The following CSMD1 variants were observed in gnomAD, a reference collection of about 807,000 sequenced individuals.
The protein encoded by CSMD1 is CUB and Sushi multiple domains 1, also known as CUB and sushi domain-containing protein 1.
A neutral mutation model predicts 417.5 loss-of-function variants in CSMD1; 213 were observed. The observed-to-expected ratio is 0.51, with a 90% CI of 0.46 to 0.57. CSMD1 has a LOEUF of 0.57. CSMD1 is among the 20% of genes least tolerant of loss of function. The pLI, the probability that CSMD1 is intolerant of heterozygous loss-of-function variation, is 0.00. For synonymous variants in CSMD1, 2,862 were observed against 1,736.8 expected (o/e 1.65, Z -16.11); for missense variants, 6,923 against 4,529.7 (o/e 1.53, Z -15.17).
At chr8:4,871,095 G>C (rs947868709) in intron 1 of CSMD1, among the ~76,000 whole-genome samples, 1 of 152,156 alleles carries the variant, frequency 6.6e-6, no homozygotes, top group Non-Finnish European at 1.5e-5. Context: ...TGGGCCATGG[G>C]AGGAGGCAGT....
At chr8:4,709,618 T>C (rs970093018) in intron 1 of CSMD1, among the ~76,000 whole-genome samples, 5 of 152,102 alleles carry the variant, frequency 3.3e-5, no homozygotes, top group African/African-American at 1.2e-4. Flanking sequence ...GAAACAAATA[T>C]AAAACTGGCC....
At chr8:4,458,748 C>T (rs1228618538) in intron 2 of CSMD1, among the ~76,000 whole-genome samples, 1 of 152,072 alleles carries the variant, frequency 6.6e-6, no homozygotes, top group African/African-American at 2.4e-5. Flanking sequence ...TTGTTACTTA[C>T]AAAAACATTT....
intron 1 of CSMD1, among the ~76,000 whole-genome samples, chr8:4,893,237 T>C (rs1259390312): frequency 6.6e-6 from 1 of 152,150 alleles, no homozygotes; most frequent in Non-Finnish European, 1.5e-5. Context: ...CTTCTTTTAA[T>C]TGCCTACTTA....
At chr8:4,759,397 C>G (rs1052556827) in intron 1 of CSMD1, among the ~76,000 whole-genome samples, 1 of 152,190 alleles carries the variant, frequency 6.6e-6, no homozygotes, top group Non-Finnish European at 1.5e-5. Context: ...CCAATGGCAT[C>G]TGAGCATCTC....
chr8:4,451,208 G>A (rs1416171507), intron 2 of CSMD1, among the ~76,000 whole-genome samples: 3 of 152,132 alleles, frequency 2.0e-5, no homozygotes, highest in Non-Finnish European at 4.4e-5. Context: ...GCATGTGCCT[G>A]TAGTCTCAAC....
chr8:4,668,236 C>T (rs1287516657), intron 1 of CSMD1, among the ~76,000 whole-genome samples: 1 of 151,770 alleles, frequency 6.6e-6, no homozygotes, highest in Non-Finnish European at 1.5e-5. Context: ...TGGGGCATTC[C>T]GTTGAAAAGC....
At chr8:3,747,228 A>G (rs1210799847) in intron 6 of CSMD1, among the ~76,000 whole-genome samples, 4 of 152,156 alleles carry the variant, frequency 2.6e-5, no homozygotes, top group Non-Finnish European at 4.4e-5. Flanking sequence ...CATTTCTCGC[A>G]TGAGAGTTGA....
intron 49 of CSMD1, among the ~76,000 whole-genome samples, chr8:3,071,943 A>G (rs1156439104): frequency 6.6e-6 from 1 of 152,216 alleles, no homozygotes; most frequent in African/African-American, 2.4e-5. Flanking sequence ...ACTCCTCATG[A>G]CACCTGGAAG....
At chr8:3,484,586 T>C (rs554537726) in intron 11 of CSMD1, among the ~76,000 whole-genome samples, 1 of 152,218 alleles carries the variant, frequency 6.6e-6, no homozygotes, top group Non-Finnish European at 1.5e-5. Context: ...GCCCATAAAC[T>C]AGACTTCATC....
intron 49 of CSMD1, among the ~76,000 whole-genome samples, chr8:3,074,679 ATAGT>A (rs1813523280): frequency 6.6e-6 from 1 of 152,244 alleles, no homozygotes; most frequent in South Asian, 2.1e-4. Flanking sequence ...ATTTTATCTA[ATAGT>A]TAGAAACGAC....
intron 3 of CSMD1, among the ~76,000 whole-genome samples, chr8:4,302,057 G>A (rs374428030): frequency 3.9e-5 from 6 of 152,144 alleles, no homozygotes; most frequent in African/African-American, 1.4e-4. Context: ...TTTTTCATTA[G>A]AATTTTCCAC....
chr8:3,210,082 C>G (rs1279410644), intron 30 of CSMD1, among the ~76,000 whole-genome samples: 2 of 152,184 alleles, frequency 1.3e-5, no homozygotes, highest in African/African-American at 4.8e-5. Flanking sequence ...GCACCAACTG[C>G]ATCCCATGAT....
At chr8:4,428,035 A>G (rs945622119) in intron 2 of CSMD1, among the ~76,000 whole-genome samples, 4 of 152,168 alleles carry the variant, frequency 2.6e-5, no homozygotes, top group Middle Eastern at 3.2e-3. Context: ...GAAGCCTTTC[A>G]TTGCTATTGT....
At chr8:4,471,978 C>T (rs529992204) in intron 2 of CSMD1, among the ~76,000 whole-genome samples, 20 of 152,054 alleles carry the variant, frequency 1.3e-4, no homozygotes, top group Non-Finnish European at 2.8e-4. Context: ...CTAAGCGATA[C>T]GTATTATCTG....
intron 2 of CSMD1, among the ~76,000 whole-genome samples, chr8:4,535,172 T>C (rs1435380254): frequency 6.6e-6 from 1 of 152,228 alleles, no homozygotes; most frequent in African/African-American, 2.4e-5. Context: ...TGCAGTATAA[T>C]CTATATAAGG....
In CSMD1 at chr8:4,132,090, A is replaced by T. The variant is rs190458143; in HGVS notation, c.416-99991T>A. Among the ~76,000 whole-genome samples, 1,196 of 152,268 alleles carry T rather than the reference A, an allele frequency of 7.9e-3. 7 individuals carry two copies. Among genetic ancestry groups the T allele is most frequent in the Non-Finnish European group, 0.012 (824 of 68,024 alleles). ...ATTATAGATTCTTCAAAAACAGGTA[A>T]AGAATCACATATGGATCCCCAAAGT... On this transcript the variant is annotated intron_variant, in intron 3 of 69. Coordinates refer to ENST00000635120, the MANE Select transcript of CSMD1 (RefSeq NM_033225.6).
At chr8:3,343,269 C>T (rs761865847) in intron 23 of CSMD1, 25 bp downstream of exon 23, 74 of 1,597,672 alleles carry the variant, frequency 4.6e-5, no homozygotes, top group Non-Finnish European at 5.4e-5. Flanking sequence ...GAAAAAAGAA[C>T]GTGATTAAGT....
chr8:4,984,722 G>A (rs1286470882), intron 1 of CSMD1, among the ~76,000 whole-genome samples: 1 of 152,188 alleles, frequency 6.6e-6, no homozygotes, highest in Non-Finnish European at 1.5e-5. Context: ...CCACTTCTAT[G>A]TGGGTAGAAG....
intron 7 of CSMD1, among the ~76,000 whole-genome samples, chr8:3,686,501 G>A (rs1323902390): frequency 2.6e-5 from 4 of 152,102 alleles, no homozygotes; most frequent in African/African-American, 7.2e-5. Context: ...TTAAAAAAAA[G>A]CCAGTTACAA....
Sources: gnomAD v4.1 joint callset for allele counts (sites outside exome capture counted in the v4.1 genomes callset) on GRCh38, gnomAD v4.1.1 for gene constraint, MANE v1.5 for transcripts, NCBI Gene and HGNC (gene_info 2026-07-23, HGNC 2026-07-21) for gene names.